LRP1B: variants seen among roughly 807,000 people sequenced by gnomAD.
LRP1B encodes the protein low-density lipoprotein receptor-related protein 1B.
A neutral mutation model predicts 556.6 loss-of-function variants in LRP1B; 217 were observed. The observed-to-expected ratio is 0.39, with a 90% CI of 0.35 to 0.44. The LOEUF is 0.44. Among genes scored for constraint, LRP1B ranks in the 20% least tolerant of loss-of-function variants. LRP1B has a pLI of 1.00. For synonymous variants in LRP1B, 2,047 were observed against 1,865.8 expected (o/e 1.10, Z -2.50); for missense variants, 5,053 against 5,620.8 (o/e 0.90, Z 3.23).
At chr2:140,973,268 A>T (rs1696490839) in intron 18 of LRP1B, among the ~76,000 whole-genome samples, 1 of 151,854 alleles carries the variant, frequency 6.6e-6, no homozygotes, top group South Asian at 2.1e-4. Context: ...TGCTCTCCAA[A>T]AAGCTCATGC....
intron 26 of LRP1B, 103 bp from the exon 27 acceptor site, chr2:140,867,937 A>T (rs2105155044): frequency 7.5e-7 from 1 of 1,335,972 alleles, no homozygotes; most frequent in Non-Finnish European, 1.0e-6. Flanking sequence ...TATTTTATAA[A>T]TATTTTTATG....
intron 32 of LRP1B, among the ~76,000 whole-genome samples, chr2:140,787,850 C>T (rs1346660064): frequency 6.6e-6 from 1 of 152,080 alleles, no homozygotes; most frequent in East Asian, 1.9e-4. Flanking sequence ...GCTGCGATTA[C>T]AGGTGTGGAG....
intron 43 of LRP1B, among the ~76,000 whole-genome samples, chr2:140,568,777 G>T (rs138599306): frequency 9.9e-4 from 150 of 152,170 alleles, no homozygotes; most frequent in African/African-American, 3.0e-3. Flanking sequence ...TACATTAACA[G>T]CAGACTTCTC....
intron 3 of LRP1B, among the ~76,000 whole-genome samples, chr2:141,369,885 A>T (rs992854412): frequency 6.6e-6 from 1 of 152,202 alleles, no homozygotes; most frequent in African/African-American, 2.4e-5. Flanking sequence ...AAAAAAGAAC[A>T]TGCAGTATTT....
At chr2:140,758,167 C>A (rs1688799720) in intron 35 of LRP1B, among the ~76,000 whole-genome samples, 1 of 151,810 alleles carries the variant, frequency 6.6e-6, no homozygotes, top group Non-Finnish European at 1.5e-5. Flanking sequence ...ATCCAAATAT[C>A]CAAAAGTATT....
intron 35 of LRP1B, among the ~76,000 whole-genome samples, chr2:140,734,484 G>A (rs1053897168): frequency 1.3e-4 from 20 of 152,266 alleles, no homozygotes; most frequent in Non-Finnish European, 2.6e-4. Flanking sequence ...TTTTAGCACT[G>A]AGAATTTAGG....
At chr2:141,489,112 CTTTTT>C (rs70994433) in intron 2 of LRP1B, among the ~76,000 whole-genome samples, 21 of 76,064 alleles carry the variant, frequency 2.8e-4, no homozygotes, top group African/African-American at 9.2e-4. Flanking sequence ...TGATGCTTGG[CTTTTT>C]TTTTTTTTTT....
intron 86 of LRP1B, among the ~76,000 whole-genome samples, chr2:140,259,133 C>T (rs907812905): frequency 1.3e-5 from 2 of 152,060 alleles, no homozygotes; most frequent in East Asian, 1.9e-4. Context: ...CACCATTTAT[C>T]TTACACCACT....
At chr2:140,788,287 C>A (rs772455876) in intron 32 of LRP1B, among the ~76,000 whole-genome samples, 5 of 152,094 alleles carry the variant, frequency 3.3e-5, no homozygotes, top group Non-Finnish European at 5.9e-5. Context: ...ATAAATAACT[C>A]GGAAAAATAT....
At chr2:140,924,215 G>A (rs1167159543) in intron 20 of LRP1B, among the ~76,000 whole-genome samples, 1 of 151,806 alleles carries the variant, frequency 6.6e-6, no homozygotes, top group Non-Finnish European at 1.5e-5. Context: ...TATAAATTAA[G>A]GTTAATCTAA....
chr2:141,629,547 T>G (rs758054005), intron 2 of LRP1B, among the ~76,000 whole-genome samples: 1 of 152,182 alleles, frequency 6.6e-6, no homozygotes, highest in South Asian at 2.1e-4. Context: ...ACATGTTGAA[T>G]ACAATAAAAA....
chr2:141,767,755 C>T (rs910497665), intron 2 of LRP1B, among the ~76,000 whole-genome samples: 38 of 152,044 alleles, frequency 2.5e-4, no homozygotes, highest in Admixed American at 2.4e-3. Flanking sequence ...ACATATTTTC[C>T]CCTATTTCAA....
chr2:141,978,917 T>C (rs1444089886), intron 1 of LRP1B, among the ~76,000 whole-genome samples: 1 of 151,840 alleles, frequency 6.6e-6, no homozygotes, highest in East Asian at 1.9e-4. Context: ...AAGAAAAAAA[T>C]GAAGAGAATA....
intron 27 of LRP1B, among the ~76,000 whole-genome samples, chr2:140,856,838 T>C (rs1250930200): frequency 6.6e-6 from 1 of 152,078 alleles, no homozygotes; most frequent in Non-Finnish European, 1.5e-5. Context: ...TAGGGACATT[T>C]GGATTCATAT....
chr2:140,772,980 TA>T (rs1478152789), intron 33 of LRP1B, among the ~76,000 whole-genome samples: 4 of 151,894 alleles, frequency 2.6e-5, no homozygotes, highest in African/African-American at 9.7e-5. Context: ...ACACCTGTAA[TA>T]CCAACTACTC....
rs180958215 is a variant in LRP1B at position 141,218,773 on chromosome 2, A to G, written c.850+10410T>C. ...CCTGTACATGTACCCCTGAATCTACAATAAAAAAACAGAGGGGAGAGGAGC... is the reference window on the plus strand; with the variant it reads ...CCTGTACATGTACCCCTGAATCTACGATAAAAAAACAGAGGGGAGAGGAGC... On this transcript the variant is annotated intron_variant, in intron 6 of 90. Coordinates refer to ENST00000389484, the MANE Select transcript of LRP1B (RefSeq NM_018557.3). Among the ~76,000 whole-genome samples, 586 of 152,310 alleles carry G rather than the reference A, an allele frequency of 3.8e-3. 7 individuals carry two copies. The highest frequency in any genetic ancestry group is 6.6e-3 in the Non-Finnish European group (447 of 68,026).
chr2:140,772,400 C>T (rs183205433), intron 33 of LRP1B, among the ~76,000 whole-genome samples: 257 of 152,194 alleles, frequency 1.7e-3, no homozygotes, highest in African/African-American at 4.8e-3. Flanking sequence ...ACCTCCGCTT[C>T]CCAGGTTCAA....
chr2:141,775,818 T>TATGG (rs1695049531), intron 2 of LRP1B, among the ~76,000 whole-genome samples: 1 of 151,914 alleles, frequency 6.6e-6, no homozygotes, highest in African/African-American at 2.4e-5. Context: ...AATATGTATT[T>TATGG]ATGGATGTAC....
chr2:140,659,626 T>G (rs1685020853), intron 41 of LRP1B, among the ~76,000 whole-genome samples: 1 of 152,010 alleles, frequency 6.6e-6, no homozygotes, highest in Non-Finnish European at 1.5e-5. Context: ...AAATATAGAA[T>G]GAACCCCACC....
Sources: allele counts gnomAD v4.1 joint callset (sites outside exome capture counted in the v4.1 genomes callset), GRCh38; gene constraint gnomAD v4.1.1; transcripts MANE v1.5; gene names NCBI Gene and HGNC (gene_info 2026-07-23, HGNC 2026-07-21).